Variants in ELP2 observed in about 807,000 individuals in gnomAD.
ELP2 encodes elongator acetyltransferase complex subunit 2, also known as elongator complex protein 2.
In ELP2, 90 loss-of-function variants were observed where a neutral mutation model predicts 119.2. The observed-to-expected ratio is 0.75, with a 90% CI of 0.64 to 0.90. ELP2 has a LOEUF of 0.90. Ranked by LOEUF, ELP2 falls within the 40% of genes least tolerant of loss-of-function variation. The pLI is 0.00. For missense variants in ELP2, 921 were observed against 967.8 expected, an observed-to-expected ratio of 0.95 and a Z score of 0.64; for synonymous variants, 339 against 331.0, an observed-to-expected ratio of 1.02 and a Z score of -0.26.
chr18:36,169,447 C>T (rs2091011143), intron 19 of ELP2, among the ~76,000 whole-genome samples: 1 of 150,214 alleles, frequency 6.7e-6, no homozygotes, highest in Non-Finnish European at 1.5e-5. Context: ...AGTGCAGTGG[C>T]ACGATCTCGG....
At chr18:36,167,743 G>A (rs1202330409) in intron 19 of ELP2, among the ~76,000 whole-genome samples, 8 of 149,298 alleles carry the variant, frequency 5.4e-5, no homozygotes, top group East Asian at 2.0e-4. Context: ...GTACAGTCAC[G>A]GCTCACTGCA....
rs2091254326 is a variant in ELP2 at position 36,177,583 on chromosome 18, A to T, written c.*2942A>T. 6.6e-6 allele frequency: 1 copy of T among 151,408 alleles called. No homozygotes were observed. Among genetic ancestry groups the T allele is most frequent in the South Asian group, 2.1e-4 (1 of 4,834 alleles). The allele number at this position is 151,408 out of a possible 1,614,324, so 9.4% of individuals were successfully genotyped here. On this transcript the variant is annotated 3_prime_UTR_variant, in exon 22 of 22. Transcript: ENST00000358232. ...GTCCTGTGGATTGGTTGCACAGTTA[A>T]GTTATGTGAATGCTGTATGCCAACT...
intron 17 of ELP2, among the ~76,000 whole-genome samples, chr18:36,162,671 T>A (rs1294316285): frequency 6.6e-6 from 1 of 152,198 alleles, no homozygotes; most frequent in African/African-American, 2.4e-5. Context: ...GGTTATACAT[T>A]TTTGCAGCAG....
intron 14 of ELP2, 140 bp from the exon 15 acceptor site, chr18:36,159,595 C>G (rs1373125775): frequency 7.0e-6 from 5 of 712,796 alleles, no homozygotes; most frequent in East Asian, 5.1e-5. Context: ...AATACTCTTG[C>G]CTTTGGAATC....
chr18:36,153,934 C>T (rs2144707336), intron 11 of ELP2, among the ~76,000 whole-genome samples: 1 of 151,876 alleles, frequency 6.6e-6, no homozygotes, highest in Non-Finnish European at 1.5e-5. Flanking sequence ...CACTGCCCTT[C>T]AGGACTGTTA....
At chr18:36,139,420 T>C in intron 5 of ELP2, 1 of 1,535,330 alleles carries the variant, frequency 6.5e-7, no homozygotes, top group Non-Finnish European at 8.7e-7. Flanking sequence ...CCTCCACAGT[T>C]ACCTGGAAGA....
intron 2 of ELP2, 60 bp from the exon 3 acceptor site, chr18:36,136,247 A>T: frequency 1.5e-6 from 2 of 1,348,946 alleles, no homozygotes; most frequent in Non-Finnish European, 2.1e-6. Flanking sequence ...TAGCTTGGAA[A>T]TTTTTAAAAA....
chr18:36,165,407 T>G (rs1423490772), intron 18 of ELP2, among the ~76,000 whole-genome samples: 2 of 152,238 alleles, frequency 1.3e-5, no homozygotes, highest in East Asian at 3.8e-4. Context: ...AATCCTGTTT[T>G]AAATTTTTCC....
At chr18:36,148,461 T>C (rs1273464041) in intron 11 of ELP2, among the ~76,000 whole-genome samples, 1 of 152,100 alleles carries the variant, frequency 6.6e-6, no homozygotes, top group African/African-American at 2.4e-5. Flanking sequence ...AGGTGAAGAC[T>C]GTAACAAGGG....
At chr18:36,146,079 A>G (rs1304525306) in intron 10 of ELP2, 31 bp downstream of exon 10, 1 of 1,606,798 alleles carries the variant, frequency 6.2e-7, no homozygotes, top group East Asian at 2.2e-5. Context: ...AGGAACAGAA[A>G]ATTAAGTTTT....
chr18:36,171,245 G>C, intron 21 of ELP2, 85 bp downstream of exon 21: 1 of 865,848 alleles, frequency 1.2e-6, no homozygotes, highest in Non-Finnish European at 1.9e-6. Context: ...CATTTTCATG[G>C]AGAGGGACAT....
chr18:36,134,617 T>C (rs1470187462), intron 2 of ELP2, among the ~76,000 whole-genome samples: 1 of 152,188 alleles, frequency 6.6e-6, no homozygotes, highest in Non-Finnish European at 1.5e-5. Context: ...TTGGTACATA[T>C]GGTTCATATA....
chr18:36,157,533 A>G (rs1287321324), intron 13 of ELP2, among the ~76,000 whole-genome samples: 2 of 152,144 alleles, frequency 1.3e-5, no homozygotes, highest in Non-Finnish European at 2.9e-5. Context: ...GCACAGTCTG[A>G]CTGTGGGGTG....
Position 36,174,486 on chromosome 18 carries a change from CAA to C in ELP2, c.2328_2329del (p.His778TyrfsTer17). 6.2e-7 allele frequency: 1 copy of C among 1,613,564 alleles called. No homozygotes were observed. Among genetic ancestry groups the C allele is most frequent in the South Asian group, 1.1e-5 (1 of 91,030 alleles). ...WTHCVETSQSQSHTLAIRKLC... is the reference protein window; with the variant it reads ...WTHCVETSQSXSHTLAIRKLC... ...ATGATTTCTCTATCTTTGTTTTAGC[CAA>C]AGTCATACACTGGCTATCAGAAAAT... On this transcript the variant is annotated frameshift_variant and splice_region_variant, in exon 22 of 22. Coordinates refer to ENST00000358232, the MANE Select transcript of ELP2 (RefSeq NM_018255.4). LOFTEE classifies it high-confidence loss of function.
At position 36,138,948 on chromosome 18, in the gene ELP2, T is replaced by C. The variant is rs909909342; in HGVS notation, c.523+76T>C. ...TCATATGATTAGAACCTAAAAGAAATGTATTGGGTCTTAATTTTGTATCTG... is the reference window on the plus strand; with the variant it reads ...TCATATGATTAGAACCTAAAAGAAACGTATTGGGTCTTAATTTTGTATCTG... On this transcript the variant is annotated intron_variant, in intron 5 of 21. Transcript: ENST00000358232. 3.3e-5 allele frequency: 36 copies of C among 1,082,370 alleles called. No individual in the cohort carries two copies. The Admixed American group carries it at 4.4e-4, about 13-fold the overall frequency. The allele number at this position is 1,082,370 out of a possible 1,614,324, so 67.0% of individuals were successfully genotyped here. A position where few individuals can be genotyped will look rare whatever the true frequency, so the allele number is the denominator to read the frequency against.
In ELP2 at chr18:36,177,073, A is replaced by T. The variant is rs779449843; in HGVS notation, c.*2432A>T. On this transcript the variant is annotated 3_prime_UTR_variant, in exon 22 of 22. Coordinates refer to ENST00000358232, the MANE Select transcript of ELP2 (RefSeq NM_018255.4). Reference sequence around the variant, plus strand: ...CAATGAACGCTGGTCATTGATATGTATACTGACATGTTTGAGGGAAGTTAC... The same window carrying T: ...CAATGAACGCTGGTCATTGATATGTTTACTGACATGTTTGAGGGAAGTTAC... 2 of 152,186 alleles carry T rather than the reference A, an allele frequency of 1.3e-5. No individual in the cohort carries two copies. The highest frequency in any genetic ancestry group is 4.8e-5 in the African/African-American group (2 of 41,442). The allele number at this position is 152,186 out of a possible 1,614,324, so 9.4% of individuals were successfully genotyped here.
At chr18:36,172,734 T>C (rs1484970591) in intron 21 of ELP2, among the ~76,000 whole-genome samples, 1 of 152,154 alleles carries the variant, frequency 6.6e-6, no homozygotes, top group Non-Finnish European at 1.5e-5. Context: ...GAAGACCTCT[T>C]CAATGGCCAC....
chr18:36,173,306 T>C (rs1377228249), intron 21 of ELP2, among the ~76,000 whole-genome samples: 2 of 152,254 alleles, frequency 1.3e-5, no homozygotes, highest in Non-Finnish European at 2.9e-5. Context: ...TGTTCAGAAC[T>C]AGCTTACTAA....
chr18:36,169,529 G>T (rs1435396306), intron 19 of ELP2, among the ~76,000 whole-genome samples: 1 of 152,036 alleles, frequency 6.6e-6, no homozygotes, highest in East Asian at 1.9e-4. Context: ...TGGGATTACA[G>T]GCACCCGCCA....
Sources: gnomAD v4.1 joint callset for allele counts (sites outside exome capture counted in the v4.1 genomes callset) on GRCh38, gnomAD v4.1.1 for gene constraint, MANE v1.5 for transcripts, NCBI Gene and HGNC (gene_info 2026-07-23, HGNC 2026-07-21) for gene names.